ARL15: variants seen among roughly 807,000 people sequenced by gnomAD.
The protein encoded by ARL15 is ARF like GTPase 15.
A neutral mutation model predicts 25.2 loss-of-function variants in ARL15; 19 were observed. That is an observed-to-expected ratio of 0.75 (90% CI 0.53 to 1.10). ARL15 has a LOEUF of 1.10. Among genes scored for constraint, ARL15 ranks in the 50% least tolerant of loss-of-function variants. ARL15 has a pLI of 0.00. For synonymous variants in ARL15, 94 were observed against 86.8 expected, an observed-to-expected ratio of 1.08 and a Z score of -0.46; for missense variants, 220 against 246.0, an observed-to-expected ratio of 0.89 and a Z score of 0.71.
intron 4 of ARL15, among the ~76,000 whole-genome samples, chr5:54,073,974 C>T (rs1751502250): frequency 6.6e-6 from 1 of 152,210 alleles, no homozygotes. Flanking sequence ...TCCCGTCATT[C>T]CAGGTGTTGC....
intron 4 of ARL15, among the ~76,000 whole-genome samples, chr5:53,963,849 ATAC>A (rs1747455078): frequency 7.0e-6 from 1 of 142,638 alleles, no homozygotes; most frequent in Non-Finnish European, 1.6e-5. Context: ...ACACACACAC[ATAC>A]ACAGAGTAAC....
chr5:54,093,700 A>AG (rs1158974274), intron 4 of ARL15, among the ~76,000 whole-genome samples: 7 of 151,662 alleles, frequency 4.6e-5, no homozygotes, highest in African/African-American at 1.7e-4. Flanking sequence ...TTAAAAAAAA[A>AG]AAAAAGAAAA....
chr5:53,889,088 TA>T (rs1315634858), intron 4 of ARL15, among the ~76,000 whole-genome samples: 1 of 152,070 alleles, frequency 6.6e-6, no homozygotes, highest in Non-Finnish European at 1.5e-5. Context: ...TAAGTATTGC[TA>T]ATGACTGAGA....
intron 4 of ARL15, among the ~76,000 whole-genome samples, chr5:54,092,927 T>G (rs1752174007): frequency 6.6e-6 from 1 of 152,222 alleles, no homozygotes; most frequent in Non-Finnish European, 1.5e-5. Flanking sequence ...ATATCATAAA[T>G]TTTAAAAGTC....
At chr5:53,995,126 T>C (rs1748627213) in intron 4 of ARL15, among the ~76,000 whole-genome samples, 1 of 152,054 alleles carries the variant, frequency 6.6e-6, no homozygotes, top group Non-Finnish European at 1.5e-5. Flanking sequence ...CTGGCCAAGA[T>C]GGTGAAACCC....
intron 1 of ARL15, among the ~76,000 whole-genome samples, chr5:54,173,513 A>G (rs957907409): frequency 1.3e-5 from 2 of 152,144 alleles, no homozygotes; most frequent in Non-Finnish European, 2.9e-5. Flanking sequence ...ATACTCTCGT[A>G]AATCAAACTT....
chr5:53,891,235 A>C (rs1744698954), intron 4 of ARL15, among the ~76,000 whole-genome samples: 1 of 152,168 alleles, frequency 6.6e-6, no homozygotes, highest in African/African-American at 2.4e-5. Context: ...TCTGGGGAGC[A>C]GGGGAACAGA....
intron 4 of ARL15, among the ~76,000 whole-genome samples, chr5:54,091,933 C>A (rs1300840314): frequency 6.6e-6 from 1 of 152,100 alleles, no homozygotes; most frequent in African/African-American, 2.4e-5. Context: ...CTTGCCAGCC[C>A]TTGGCAGGGA....
At chr5:53,926,427 C>T (rs1485662569) in intron 4 of ARL15, among the ~76,000 whole-genome samples, 1 of 152,130 alleles carries the variant, frequency 6.6e-6, no homozygotes, top group Non-Finnish European at 1.5e-5. Flanking sequence ...TCCCCCCACC[C>T]CAGCCACTTC....
chr5:54,092,328 G>C (rs777458245), intron 4 of ARL15, among the ~76,000 whole-genome samples: 32 of 151,954 alleles, frequency 2.1e-4, no homozygotes, highest in Non-Finnish European at 3.5e-4. Context: ...CAGGCTTATG[G>C]AATTAGATGC....
chr5:54,261,314 T>C (rs1251610294), intron 1 of ARL15, among the ~76,000 whole-genome samples: 1 of 152,198 alleles, frequency 6.6e-6, no homozygotes, highest in Non-Finnish European at 1.5e-5. Flanking sequence ...CATTTCACAA[T>C]CCAGTTGAAC....
At chr5:54,149,985 A>T (rs1183846005) in intron 3 of ARL15, among the ~76,000 whole-genome samples, 2 of 152,196 alleles carry the variant, frequency 1.3e-5, no homozygotes, top group Non-Finnish European at 2.9e-5. Flanking sequence ...AATACCTTGG[A>T]TGGTATTAGA....
At chr5:54,132,532 TTTG>T (rs1052723353) in intron 3 of ARL15, among the ~76,000 whole-genome samples, 18 of 152,154 alleles carry the variant, frequency 1.2e-4, no homozygotes, top group African/African-American at 4.1e-4. Flanking sequence ...AGAATTTTAA[TTTG>T]TTATTTAAAA....
chr5:54,192,444 T>C (rs12523228), intron 1 of ARL15, among the ~76,000 whole-genome samples: 17,154 of 152,056 alleles, frequency 0.11, 1,246 homozygotes, highest in Admixed American at 0.16. Context: ...TTTTTTACAA[T>C]TGTTTTATTG....
intron 4 of ARL15, among the ~76,000 whole-genome samples, chr5:54,091,657 G>A (rs1196151720): frequency 6.6e-6 from 1 of 152,124 alleles, no homozygotes; most frequent in African/African-American, 2.4e-5. Context: ...GTGCCCACCT[G>A]TCAACTGACA....
intron 4 of ARL15, among the ~76,000 whole-genome samples, chr5:54,057,062 T>TA (rs71598896): frequency 0.2 from 29,500 of 145,046 alleles, 3,534 homozygotes; most frequent in African/African-American, 0.36. Context: ...TATAGTCTAA[T>TA]AAAAAAAAAA....
At chr5:54,119,473 C>G (rs1281549611) in intron 3 of ARL15, among the ~76,000 whole-genome samples, 3 of 152,134 alleles carry the variant, frequency 2.0e-5, no homozygotes, top group Non-Finnish European at 4.4e-5. Flanking sequence ...AACCAAGATA[C>G]TTACCTAGAA....
Position 53,894,268 on chromosome 5 carries a change from T to A in ARL15, c.463-7555A>T, listed in dbSNP as rs545464151. 1.6e-3 allele frequency among the ~76,000 whole-genome samples: 250 copies of A among 152,354 alleles called. 2 individuals carry two copies. The highest frequency in any genetic ancestry group is 1.8e-3 in the Non-Finnish European group (124 of 68,034). On this transcript the variant is annotated intron_variant, in intron 4 of 4. Coordinates refer to ENST00000504924, the MANE Select transcript of ARL15 (RefSeq NM_019087.3). ...ATCACCTGTGATTGAGCCTTGCTCT[T>A]ACTATAAGTCATCTTCCCCAATCAG...
intron 4 of ARL15, among the ~76,000 whole-genome samples, chr5:53,924,840 T>A (rs1745967834): frequency 6.6e-6 from 1 of 152,212 alleles, no homozygotes; most frequent in South Asian, 2.1e-4. Flanking sequence ...TCTTATCAAA[T>A]ACAATGTAAT....
Sources: allele counts gnomAD v4.1 joint callset (sites outside exome capture counted in the v4.1 genomes callset), GRCh38; gene constraint gnomAD v4.1.1; transcripts MANE v1.5; gene names NCBI Gene and HGNC (gene_info 2026-07-23, HGNC 2026-07-21).